Variants in ZBTB16 observed in about 807,000 individuals in gnomAD.
ZBTB16 encodes zinc finger and BTB domain-containing protein 16.
In ZBTB16, 8 loss-of-function variants were observed where a neutral mutation model predicts 56.8. The ratio of observed to expected loss-of-function variants is 0.14; its 90% CI spans 0.08 to 0.25. The LOEUF is 0.25. ZBTB16 is among the 10% of genes least tolerant of loss of function. The pLI is 1.00. For missense variants in ZBTB16, 625 were observed against 903.0 expected (o/e 0.69, Z 3.95); for synonymous variants, 363 against 368.5 (o/e 0.98, Z 0.17).
intron 2 of ZBTB16, among the ~76,000 whole-genome samples, chr11:114,112,232 C>A (rs1004352646): frequency 2.6e-5 from 4 of 152,124 alleles, no homozygotes; most frequent in African/African-American, 7.2e-5. Flanking sequence ...GGCAAAGATT[C>A]TTCCCAGTCT....
rs1270344388 is a variant in ZBTB16, at chr11:114,255,379, A to G, written c.*4824A>G. Among the ~76,000 whole-genome samples, 1 of 151,704 alleles carries G rather than the reference A, an allele frequency of 6.6e-6. No individual in the cohort carries two copies. Among genetic ancestry groups the G allele is most frequent in the Non-Finnish European group, 1.5e-5 (1 of 67,968 alleles). On this transcript the variant is annotated 3_prime_UTR_variant, in exon 7 of 7. Coordinates refer to ENST00000335953, the MANE Select transcript of ZBTB16 (RefSeq NM_006006.6). ...GAGGTTGCCCAATTTTGTTTCTTCAATTTTACTGGTTACTTTTTTGTACAA... is the reference window on the plus strand; with the variant it reads ...GAGGTTGCCCAATTTTGTTTCTTCAGTTTTACTGGTTACTTTTTTGTACAA...
chr11:114,199,321 G>A (rs1943679673), intron 4 of ZBTB16, among the ~76,000 whole-genome samples: 1 of 152,092 alleles, frequency 6.6e-6, no homozygotes, highest in African/African-American at 2.4e-5. Context: ...GCCCCGGGAT[G>A]GGGATGCCGG....
Position 114,229,843 on chromosome 11 carries a change from G to A in ZBTB16, c.1454-12324G>A, listed in dbSNP as rs542626532. Among the ~76,000 whole-genome samples the A allele has an allele frequency of 4.6e-5, 7 of 152,272 alleles. No individual in the cohort carries two copies. In the East Asian group the frequency reaches 9.6e-4, roughly 21 times the overall value. On this transcript the variant is annotated intron_variant, in intron 4 of 6. Transcript: ENST00000335953. The stretch of plus-strand genomic sequence containing the variant: ...ATGTGAAGATGGGTGGTATTGGGCC[G>A]GGGCAGGCAGGGGTTGGGCATGAAT...
intron 2 of ZBTB16, among the ~76,000 whole-genome samples, chr11:114,111,121 G>A (rs1273735416): frequency 6.6e-6 from 1 of 151,612 alleles, no homozygotes; most frequent in Non-Finnish European, 1.5e-5. Flanking sequence ...GTTTCTTGGG[G>A]ACGTGATGTA....
chr11:114,256,494 C>T lies in ZBTB16; in HGVS notation c.*5939C>T, dbSNP rs776997824. Reference sequence around the variant, plus strand: ...CCTCTCCTGATACCAGGCCAGGTTCCTTTACTCCAGAGTTCTCAAAGCAGG... The same window carrying T: ...CCTCTCCTGATACCAGGCCAGGTTCTTTTACTCCAGAGTTCTCAAAGCAGG... On this transcript the variant is annotated 3_prime_UTR_variant, in exon 7 of 7. Transcript: ENST00000335953. Among the ~76,000 whole-genome samples, 54 of 152,186 alleles carry T rather than the reference C, an allele frequency of 3.5e-4. 1 individual carries two copies. Among genetic ancestry groups the T allele is most frequent in the Non-Finnish European group, 6.9e-4 (47 of 68,022 alleles).
chr11:114,228,797 C>T (rs1944381161), intron 4 of ZBTB16, among the ~76,000 whole-genome samples: 1 of 152,244 alleles, frequency 6.6e-6, no homozygotes, highest in Non-Finnish European at 1.5e-5. Flanking sequence ...TTCCCCCGCC[C>T]CCTTCCACCC....
chr11:114,225,384 T>G (rs954447316), intron 4 of ZBTB16, among the ~76,000 whole-genome samples: 3 of 152,164 alleles, frequency 2.0e-5, no homozygotes, highest in Non-Finnish European at 4.4e-5. Flanking sequence ...GTCTGTTTTG[T>G]GCTGCTGTAG....
intron 2 of ZBTB16, among the ~76,000 whole-genome samples, chr11:114,088,323 G>T (rs550589663): frequency 2.0e-5 from 3 of 152,012 alleles, no homozygotes; most frequent in Admixed American, 1.3e-4. Context: ...TGTATTTTTA[G>T]TAGAGATGCG....
At chr11:114,080,575 G>A (rs952171836) in intron 2 of ZBTB16, among the ~76,000 whole-genome samples, 4 of 152,178 alleles carry the variant, frequency 2.6e-5, no homozygotes, top group African/African-American at 7.2e-5. Flanking sequence ...CTTACTATGT[G>A]TTTTGTGCAG....
chr11:114,113,669 AG>A (rs1474778830), intron 2 of ZBTB16, among the ~76,000 whole-genome samples: 1 of 152,210 alleles, frequency 6.6e-6, no homozygotes, highest in African/African-American at 2.4e-5. Context: ...GTTCAGGAAG[AG>A]GGCTTAAAAA....
At chr11:114,142,289 C>T (rs558792737) in intron 2 of ZBTB16, among the ~76,000 whole-genome samples, 1 of 152,086 alleles carries the variant, frequency 6.6e-6, no homozygotes, top group Non-Finnish European at 1.5e-5. Flanking sequence ...CTTCCCACCC[C>T]CTTCCCCAGT....
At chr11:114,176,375 A>G (rs1013766505) in intron 3 of ZBTB16, among the ~76,000 whole-genome samples, 2 of 152,180 alleles carry the variant, frequency 1.3e-5, no homozygotes, top group Non-Finnish European at 2.9e-5. Context: ...TCTCTTAAAC[A>G]AAACAAAGTT....
chr11:114,147,409 A>G (rs1942138467), intron 2 of ZBTB16, among the ~76,000 whole-genome samples: 1 of 152,220 alleles, frequency 6.6e-6, no homozygotes, highest in Non-Finnish European at 1.5e-5. Flanking sequence ...GTTTTCCCAG[A>G]AATCGGTTAT....
intron 3 of ZBTB16, among the ~76,000 whole-genome samples, chr11:114,169,537 G>T (rs574629216): frequency 1.1e-4 from 16 of 152,266 alleles, no homozygotes; most frequent in South Asian, 2.1e-4. Context: ...GCAGGAAATC[G>T]TTTGTGAAGT....
At chr11:114,189,478 A>G (rs1943440770) in intron 4 of ZBTB16, 1 of 152,226 alleles carries the variant, frequency 6.6e-6, no homozygotes, top group Non-Finnish European at 1.5e-5. Context: ...ATGGGAGTGT[A>G]AAATGGTGTA....
chr11:114,202,785 A>AGT (rs895354915), intron 4 of ZBTB16, among the ~76,000 whole-genome samples: 3 of 152,136 alleles, frequency 2.0e-5, no homozygotes, highest in Admixed American at 2.0e-4. Flanking sequence ...ATGCAGTAAA[A>AGT]GTGTGTGTGT....
At chr11:114,207,004 G>A (rs932778508) in intron 4 of ZBTB16, among the ~76,000 whole-genome samples, 1 of 152,152 alleles carries the variant, frequency 6.6e-6, no homozygotes, top group African/African-American at 2.4e-5. Flanking sequence ...CAGGATGGCG[G>A]CATGCTCTGT....
intron 2 of ZBTB16, among the ~76,000 whole-genome samples, chr11:114,068,243 T>TC (rs960507082): frequency 1.8e-4 from 27 of 151,574 alleles, no homozygotes; most frequent in Admixed American, 9.9e-4. Flanking sequence ...CTTCTTGGGG[T>TC]GGGGGGGCAG....
chr11:114,132,281 C>T (rs1210303958), intron 2 of ZBTB16, among the ~76,000 whole-genome samples: 1 of 152,090 alleles, frequency 6.6e-6, no homozygotes, highest in African/African-American at 2.4e-5. Flanking sequence ...GGTTACCTAT[C>T]ATGGTAACCT....
Sources: allele counts gnomAD v4.1 joint callset (sites outside exome capture counted in the v4.1 genomes callset), GRCh38; gene constraint gnomAD v4.1.1; transcripts MANE v1.5; gene names NCBI Gene and HGNC (gene_info 2026-07-23, HGNC 2026-07-21).